Variants in AOPEP observed in about 807,000 individuals in gnomAD.
AOPEP encodes the protein aminopeptidase O (putative).
Under a neutral mutation model 98.1 loss-of-function variants are expected in AOPEP, and 77 were observed. The observed-to-expected ratio is 0.78, with a 90% CI of 0.65 to 0.95. AOPEP has a LOEUF of 0.95. Among genes scored for constraint, AOPEP ranks in the 40% least tolerant of loss-of-function variants. AOPEP has a pLI of 0.00. For missense variants in AOPEP, 1,024 were observed against 1,024.7 expected (o/e 1.00, Z 0.01); for synonymous variants, 346 against 365.3 (o/e 0.95, Z 0.60).
intron 1 of AOPEP, among the ~76,000 whole-genome samples, chr9:94,737,350 T>G (rs947709363): frequency 2.6e-5 from 4 of 152,182 alleles, no homozygotes; most frequent in Non-Finnish European, 5.9e-5. Context: ...CCTCAAGCAA[T>G]TCTCTGGCCT....
the AOPEP span, among the ~76,000 whole-genome samples, chr9:95,147,260 G>A: frequency 3.3e-5 from 5 of 152,190 alleles, no homozygotes; most frequent in Non-Finnish European, 1.5e-5. Flanking sequence ...GCTCACGCCT[G>A]TAATCCCAGC....
chr9:95,130,946 A>G, the AOPEP span, among the ~76,000 whole-genome samples: 1 of 152,144 alleles, frequency 6.6e-6, no homozygotes, highest in Non-Finnish European at 1.5e-5. Context: ...CTTCTTTTCT[A>G]TTTTCAAAAT....
the AOPEP span, among the ~76,000 whole-genome samples, chr9:95,137,578 G>C: frequency 3.3e-5 from 5 of 152,176 alleles, no homozygotes. Flanking sequence ...GAGAAGAAAT[G>C]ATTTCTGGAG....
At chr9:95,086,501 G>A in intron 16 of AOPEP, 181 bp from the exon 17 acceptor site, 1 of 985,406 alleles carries the variant, frequency 1.0e-6, no homozygotes, top group Non-Finnish European at 1.2e-6. Context: ...CGTGTGAGCA[G>A]GCCAGCGTCA....
downstream of AOPEP, among the ~76,000 whole-genome samples, chr9:95,088,643 T>C (rs34067737): frequency 2.5e-3 from 384 of 152,342 alleles, 1 homozygote; most frequent in Non-Finnish European, 4.5e-3. Flanking sequence ...GCTTGGCACC[T>C]GGAGCTCTCA....
At chr9:94,786,758 A>C (rs1159412932) in intron 3 of AOPEP, among the ~76,000 whole-genome samples, 1 of 152,246 alleles carries the variant, frequency 6.6e-6, no homozygotes. Flanking sequence ...TGGCTCCAGC[A>C]TTCAACCAGG....
At chr9:95,060,476 CG>C (rs1189331109) in intron 13 of AOPEP, among the ~76,000 whole-genome samples, 1 of 152,182 alleles carries the variant, frequency 6.6e-6, no homozygotes, top group East Asian at 1.9e-4. Context: ...TCATGGAAAA[CG>C]GGGCCAAAGC....
intron 5 of AOPEP, among the ~76,000 whole-genome samples, chr9:94,851,757 A>G (rs943281103): frequency 1.4e-5 from 2 of 148,144 alleles, no homozygotes; most frequent in South Asian, 2.2e-4. Flanking sequence ...AAATTAACCT[A>G]GATGTGGTAG....
At chr9:94,873,516 G>C (rs1337807998) in intron 5 of AOPEP, among the ~76,000 whole-genome samples, 1 of 152,190 alleles carries the variant, frequency 6.6e-6, no homozygotes, top group East Asian at 1.9e-4. Context: ...AGATAACTCT[G>C]AGAAGGAGCT....
At chr9:94,929,522 C>A (rs1456945913) in intron 7 of AOPEP, among the ~76,000 whole-genome samples, 1 of 152,276 alleles carries the variant, frequency 6.6e-6, no homozygotes, top group Non-Finnish European at 1.5e-5. Flanking sequence ...CCTGCGCTTG[C>A]ACGCTAAGGC....
Position 94,843,192 on chromosome 9 carries a change from C to T in AOPEP, c.1364+42190C>T, listed in dbSNP as rs1032895651. Among the ~76,000 whole-genome samples, 10 of 152,284 alleles carry T rather than the reference C, an allele frequency of 6.6e-5. No homozygotes were observed. In the East Asian group the frequency reaches 7.7e-4, roughly 12 times the overall value. ...GATCTCTCTCCCATCCAGATTCCTC[C>T]GTGCTCCAGGGTTTCTCAGGCCTCG... is the stretch of plus-strand genomic sequence containing the variant. On this transcript the variant is annotated intron_variant, in intron 5 of 16. Transcript: ENST00000375315.
chr9:95,039,348 C>G (rs141521716), intron 13 of AOPEP, among the ~76,000 whole-genome samples: 1 of 152,262 alleles, frequency 6.6e-6, no homozygotes, highest in African/African-American at 2.4e-5. Flanking sequence ...GGGCAGATCA[C>G]TTGAGCCCAG....
intron 5 of AOPEP, among the ~76,000 whole-genome samples, chr9:94,861,892 CTT>C (rs1420279544): frequency 1.3e-5 from 2 of 152,214 alleles, no homozygotes; most frequent in Non-Finnish European, 2.9e-5. Flanking sequence ...TGCACTACGT[CTT>C]TCATGAGGCT....
chr9:94,792,957 A>C (rs766426817), intron 4 of AOPEP, 39 bp downstream of exon 4: 17 of 1,572,394 alleles, frequency 1.1e-5, no homozygotes, highest in African/African-American at 1.4e-5. Context: ...AAAAAAAAAA[A>C]AACACTTGAG....
chr9:94,763,893 G>A (rs2132565309), intron 2 of AOPEP, among the ~76,000 whole-genome samples: 1 of 152,330 alleles, frequency 6.6e-6, no homozygotes, highest in South Asian at 2.1e-4. Context: ...AAATGAGGAA[G>A]AATAGACAAA....
chr9:94,854,669 C>T (rs1275197138), intron 5 of AOPEP, among the ~76,000 whole-genome samples: 3 of 152,198 alleles, frequency 2.0e-5, no homozygotes, highest in Admixed American at 6.5e-5. Context: ...CTAACTGCAA[C>T]CAAAAGCAGG....
At chr9:94,765,461 A>G (rs1320305634) in intron 2 of AOPEP, among the ~76,000 whole-genome samples, 3 of 146,650 alleles carry the variant, frequency 2.0e-5, no homozygotes, top group Non-Finnish European at 4.5e-5. Context: ...TAATAATAAT[A>G]ATAATAATAA....
At chr9:95,061,765 G>A (rs2067336964) in intron 14 of AOPEP, among the ~76,000 whole-genome samples, 1 of 152,164 alleles carries the variant, frequency 6.6e-6, no homozygotes, top group African/African-American at 2.4e-5. Context: ...CCATTGTTAG[G>A]CATTTTAAAG....
At chr9:94,744,432 G>A (rs1385648969) in intron 1 of AOPEP, among the ~76,000 whole-genome samples, 1 of 151,754 alleles carries the variant, frequency 6.6e-6, no homozygotes, top group East Asian at 1.9e-4. Context: ...TGGTTGCGGT[G>A]GCTCATGCCT....
Sources: gnomAD v4.1 joint callset for allele counts (sites outside exome capture counted in the v4.1 genomes callset) on GRCh38, gnomAD v4.1.1 for gene constraint, MANE v1.5 for transcripts, NCBI Gene and HGNC (gene_info 2026-07-23, HGNC 2026-07-21) for gene names.